Variants in MAP2K4 observed in about 807,000 individuals in gnomAD.
MAP2K4 encodes the protein dual specificity mitogen-activated protein kinase kinase 4.
In MAP2K4, 4 loss-of-function variants were observed where a neutral mutation model predicts 48.5. That is an observed-to-expected ratio of 0.08 (90% CI 0.04 to 0.19). The LOEUF (loss-of-function observed/expected upper bound fraction) is 0.19, where lower values mean the gene tolerates loss of function less well. MAP2K4 is among the 10% of genes least tolerant of loss of function. The pLI is 1.00. For synonymous variants in MAP2K4, 166 were observed against 173.1 expected (o/e 0.96, Z 0.32); for missense variants, 258 against 493.3 (o/e 0.52, Z 4.52).
intron 7 of MAP2K4, among the ~76,000 whole-genome samples, chr17:12,115,319 G>T (rs1300054189): frequency 6.6e-6 from 1 of 152,112 alleles, no homozygotes; most frequent in Non-Finnish European, 1.5e-5. Flanking sequence ...CAATTTTGTT[G>T]TGCAAAATCA....
chr17:12,115,444 G>A, intron 7 of MAP2K4: 1 of 503,118 alleles, frequency 2.0e-6, no homozygotes, highest in Non-Finnish European at 3.8e-6. Context: ...ACTAAATACT[G>A]TAGGTAATTA....
At chr17:12,129,033 C>T in intron 8 of MAP2K4, 106 bp from the exon 9 acceptor site, 1 of 1,016,434 alleles carries the variant, frequency 9.8e-7, no homozygotes, top group South Asian at 1.6e-5. Context: ...TAATTCAAGG[C>T]TTTACTAGAG....
At chr17:12,069,057 G>T (rs1055719176) in intron 2 of MAP2K4, among the ~76,000 whole-genome samples, 2 of 152,148 alleles carry the variant, frequency 1.3e-5, no homozygotes, top group African/African-American at 4.8e-5. Context: ...TAATTAGGAA[G>T]CAAACTGGTA....
Position 12,102,310 on chromosome 17 carries a change from T to C in MAP2K4, c.514-5480T>C, listed in dbSNP as rs370843678. 4.6e-5 allele frequency among the ~76,000 whole-genome samples: 7 copies of C among 152,180 alleles called. No individual in the cohort carries two copies. In the South Asian group the frequency reaches 8.3e-4, roughly 18 times the overall value. On this transcript the variant is annotated intron_variant, in intron 4 of 10. Coordinates refer to ENST00000353533, the MANE Select transcript of MAP2K4 (RefSeq NM_003010.4). ...TTGTTGTTTTAATAATGGTGAGTTATATGAATTGATCTCAGATATTAAACA... is the reference window on the plus strand; with the variant it reads ...TTGTTGTTTTAATAATGGTGAGTTACATGAATTGATCTCAGATATTAAACA...
chr17:12,055,110 A>G (rs1259768987), intron 2 of MAP2K4, 119 bp downstream of exon 2: 1 of 589,254 alleles, frequency 1.7e-6, no homozygotes, highest in East Asian at 2.9e-5. Flanking sequence ...CTCTCTGGGA[A>G]TATTGTTTAT....
chr17:12,112,459 T>C (rs1452543572), intron 6 of MAP2K4, among the ~76,000 whole-genome samples: 1 of 137,736 alleles, frequency 7.3e-6, no homozygotes, highest in Non-Finnish European at 1.6e-5. Context: ...AGCGAGACTC[T>C]TGTCTCAAAA....
At chr17:12,034,278 A>G (rs184016867) in intron 1 of MAP2K4, among the ~76,000 whole-genome samples, 2 of 152,252 alleles carry the variant, frequency 1.3e-5, no homozygotes, top group Non-Finnish European at 2.9e-5. Flanking sequence ...CATTATAGAA[A>G]TGATAGGTTT....
chr17:12,129,328 G>A (rs1972955720), intron 9 of MAP2K4, 41 bp downstream of exon 9: 11 of 1,613,128 alleles, frequency 6.8e-6, no homozygotes, highest in East Asian at 2.2e-5. Context: ...CGCATGGCGA[G>A]AATAGTGAGA....
At chr17:12,092,252 A>G (rs1971587109) in intron 3 of MAP2K4, among the ~76,000 whole-genome samples, 1 of 152,180 alleles carries the variant, frequency 6.6e-6, no homozygotes, top group African/African-American at 2.4e-5. Flanking sequence ...TTTTTTATCA[A>G]TGGTTGTTGC....
At chr17:12,113,476 T>TA in intron 7 of MAP2K4, 116 bp downstream of exon 7, 1 of 1,288,922 alleles carries the variant, frequency 7.8e-7, no homozygotes, top group South Asian at 1.6e-5. Context: ...ATATTTCCCT[T>TA]ACCCTAAGGC....
intron 1 of MAP2K4, chr17:12,026,797 C>T (rs533579716): frequency 6.6e-6 from 1 of 152,298 alleles, no homozygotes; most frequent in Non-Finnish European, 1.5e-5. Context: ...CAACCAGCCA[C>T]CTTTTGAGAT....
chr17:12,135,800 T>C (rs993175779), intron 9 of MAP2K4, among the ~76,000 whole-genome samples: 2 of 152,166 alleles, frequency 1.3e-5, no homozygotes, highest in African/African-American at 2.4e-5. Context: ...TCCGCCTGCC[T>C]CAGCCTCCCA....
At chr17:12,084,649 T>C (rs1467825711) in intron 3 of MAP2K4, among the ~76,000 whole-genome samples, 1 of 152,212 alleles carries the variant, frequency 6.6e-6, no homozygotes, top group Non-Finnish European at 1.5e-5. Context: ...CACTGTCCTC[T>C]ACATAAAGTA....
chr17:12,028,117 C>T (rs1969319513), intron 1 of MAP2K4, among the ~76,000 whole-genome samples: 1 of 152,148 alleles, frequency 6.6e-6, no homozygotes, highest in African/African-American at 2.4e-5. Flanking sequence ...AAGTTAGATA[C>T]TTGCCCGAAG....
chr17:12,102,515 A>C (rs1971967355), intron 4 of MAP2K4, among the ~76,000 whole-genome samples: 1 of 152,138 alleles, frequency 6.6e-6, no homozygotes, highest in Non-Finnish European at 1.5e-5. Flanking sequence ...TCTGACTTGC[A>C]TCATTGTAAT....
chr17:12,139,943 G>C (rs1293189406), intron 10 of MAP2K4, 59 bp downstream of exon 10: 29 of 1,229,660 alleles, frequency 2.4e-5, no homozygotes, highest in Non-Finnish European at 3.2e-5. Flanking sequence ...CTCTTAACAT[G>C]CTGGTTCACT....
chr17:12,121,738 T>G (rs952353456), intron 7 of MAP2K4, among the ~76,000 whole-genome samples: 2 of 152,202 alleles, frequency 1.3e-5, no homozygotes, highest in Non-Finnish European at 2.9e-5. Flanking sequence ...CCCTCATGAT[T>G]AGATTCAGAC....
At chr17:12,091,590 C>CATAATATTATATTATTAATAAT (rs1971565276) in intron 3 of MAP2K4, among the ~76,000 whole-genome samples, 2 of 152,036 alleles carry the variant, frequency 1.3e-5, no homozygotes, top group African/African-American at 4.8e-5. Flanking sequence ...AAGAACCATG[C>CATAATATTATATTATTAATAAT]ATAATATTAA....
chr17:12,066,890 C>T (rs1026564791), intron 2 of MAP2K4, among the ~76,000 whole-genome samples: 12 of 152,174 alleles, frequency 7.9e-5, no homozygotes, highest in South Asian at 2.1e-4. Context: ...GGGGCTTCAC[C>T]GTGGTCTCGA....
Sources: allele counts gnomAD v4.1 joint callset (sites outside exome capture counted in the v4.1 genomes callset), GRCh38; gene constraint gnomAD v4.1.1; transcripts MANE v1.5; gene names NCBI Gene and HGNC (gene_info 2026-07-23, HGNC 2026-07-21).